SPATA16: variants seen among roughly 807,000 people sequenced by gnomAD.
The protein encoded by SPATA16 is spermatogenesis-associated protein 16.
A neutral mutation model predicts 63.3 loss-of-function variants in SPATA16; 36 were observed. The ratio of observed to expected loss-of-function variants is 0.57; its 90% CI spans 0.44 to 0.75. SPATA16 has a LOEUF of 0.75. SPATA16 is among the 30% of genes least tolerant of loss of function. The probability of loss-of-function intolerance (pLI) is 0.00; values close to 1 mark genes in which losing one functional copy is unlikely to be tolerated. For missense variants in SPATA16, 646 were observed against 679.3 expected, an observed-to-expected ratio of 0.95 and a Z score of 0.54; for synonymous variants, 203 against 216.7, an observed-to-expected ratio of 0.94 and a Z score of 0.56.
chr3:173,108,527 T>C (rs200081201), intron 2 of SPATA16, among the ~76,000 whole-genome samples: 49 of 152,194 alleles, frequency 3.2e-4, no homozygotes, highest in African/African-American at 1.1e-3. Flanking sequence ...AAAATACCAA[T>C]GTTCCAGGAA....
intron 2 of SPATA16, among the ~76,000 whole-genome samples, chr3:173,079,886 A>C (rs1577164039): frequency 6.6e-6 from 1 of 152,176 alleles, no homozygotes; most frequent in Admixed American, 6.5e-5. Context: ...TGGAATTATT[A>C]GTGAGGATAT....
At chr3:173,055,010 T>A (rs1736188900) in intron 2 of SPATA16, among the ~76,000 whole-genome samples, 2 of 152,204 alleles carry the variant, frequency 1.3e-5, no homozygotes, top group South Asian at 4.1e-4. Flanking sequence ...AACCATTTCA[T>A]ACATATGGCA....
At chr3:173,115,469 C>T (rs144361272) in intron 2 of SPATA16, among the ~76,000 whole-genome samples, 1 of 152,178 alleles carries the variant, frequency 6.6e-6, no homozygotes, top group African/African-American at 2.4e-5. Flanking sequence ...GGCTGCAGAG[C>T]TTTAGCTCAA....
chr3:173,008,982 G>A (rs984637565), intron 4 of SPATA16, among the ~76,000 whole-genome samples: 1 of 152,082 alleles, frequency 6.6e-6, no homozygotes. Context: ...TAAGTTTTTA[G>A]CAAACTTTAA....
intron 2 of SPATA16, among the ~76,000 whole-genome samples, chr3:173,102,346 C>T (rs980936070): frequency 6.6e-6 from 1 of 152,110 alleles, no homozygotes; most frequent in African/African-American, 2.4e-5. Context: ...AAGAAATACC[C>T]AAGGGTGGGT....
chr3:172,921,812 C>T (rs1427963338), intron 8 of SPATA16, among the ~76,000 whole-genome samples: 1 of 152,102 alleles, frequency 6.6e-6, no homozygotes, highest in Non-Finnish European at 1.5e-5. Context: ...CAGTTATCAG[C>T]CTATTTTATA....
At chr3:173,134,230 A>G (rs1738467729) in intron 1 of SPATA16, among the ~76,000 whole-genome samples, 1 of 152,174 alleles carries the variant, frequency 6.6e-6, no homozygotes, top group African/African-American at 2.4e-5. Context: ...GCTGTGTCTT[A>G]AGCATGTCCC....
At chr3:173,013,207 C>A (rs1381423041) in intron 4 of SPATA16, among the ~76,000 whole-genome samples, 2 of 152,064 alleles carry the variant, frequency 1.3e-5, no homozygotes, top group Middle Eastern at 6.8e-3. Flanking sequence ...AAATCAAAAC[C>A]ACAATGAGAT....
chr3:173,110,479 G>A (rs1446747522), intron 2 of SPATA16, among the ~76,000 whole-genome samples: 1 of 152,156 alleles, frequency 6.6e-6, no homozygotes, highest in African/African-American at 2.4e-5. Flanking sequence ...AACAATGTTG[G>A]TAAACACATA....
intron 2 of SPATA16, among the ~76,000 whole-genome samples, chr3:173,051,060 TAAAC>T (rs956967224): frequency 6.6e-6 from 1 of 152,186 alleles, no homozygotes; most frequent in Non-Finnish European, 1.5e-5. Flanking sequence ...CAGAAATACC[TAAAC>T]AGAGTTTTCC....
intron 2 of SPATA16, among the ~76,000 whole-genome samples, chr3:173,107,179 T>A (rs1224326405): frequency 6.6e-6 from 1 of 152,152 alleles, no homozygotes; most frequent in East Asian, 1.9e-4. Context: ...TACCCCAATG[T>A]CACTCTTACA....
chr3:173,019,237 G>A (rs1377125352), intron 4 of SPATA16, among the ~76,000 whole-genome samples: 1 of 152,100 alleles, frequency 6.6e-6, no homozygotes, highest in Admixed American at 6.5e-5. Context: ...CTTTATGCAA[G>A]TTTTTCCATC....
At chr3:173,005,296 C>T (rs1371570949) in intron 4 of SPATA16, among the ~76,000 whole-genome samples, 1 of 148,390 alleles carries the variant, frequency 6.7e-6, no homozygotes, top group African/African-American at 2.5e-5. Context: ...TGCACTCCAG[C>T]CTGGTGACAG....
intron 2 of SPATA16, among the ~76,000 whole-genome samples, chr3:173,076,025 T>C (rs1736793816): frequency 6.6e-6 from 1 of 152,310 alleles, no homozygotes; most frequent in South Asian, 2.1e-4. Context: ...AAATGTCACA[T>C]GTACCTTGTA....
At chr3:173,088,993 A>C (rs114507969) in intron 2 of SPATA16, among the ~76,000 whole-genome samples, 1 of 152,174 alleles carries the variant, frequency 6.6e-6, no homozygotes, top group Admixed American at 6.5e-5. Flanking sequence ...CCAAGGATGA[A>C]CGGACCACCC....
chr3:172,992,559 G>C (rs896092159), intron 4 of SPATA16, among the ~76,000 whole-genome samples: 2 of 151,994 alleles, frequency 1.3e-5, no homozygotes, highest in Admixed American at 6.6e-5. Flanking sequence ...TGAGGGCAAG[G>C]GGAAAGGGTT....
intron 6 of SPATA16, among the ~76,000 whole-genome samples, chr3:172,926,704 A>G (rs973675356): frequency 1.3e-5 from 2 of 152,228 alleles, no homozygotes; most frequent in Admixed American, 6.5e-5. Context: ...AGAGGTTACA[A>G]ACATACCCAA....
chr3:172,969,484 C>A (rs1733996688), intron 5 of SPATA16, among the ~76,000 whole-genome samples: 1 of 152,132 alleles, frequency 6.6e-6, no homozygotes, highest in Admixed American at 6.6e-5. Flanking sequence ...ATCAGAATCA[C>A]CTGGTTGAAG....
chr3:172,926,500 G>A (rs115126360), intron 6 of SPATA16, among the ~76,000 whole-genome samples: 2,890 of 152,300 alleles, frequency 0.019, 30 homozygotes, highest in Middle Eastern at 0.058. Flanking sequence ...ATAAGAGGTT[G>A]AGGGACACAG....
Sources: allele counts gnomAD v4.1 joint callset (sites outside exome capture counted in the v4.1 genomes callset), GRCh38; gene constraint gnomAD v4.1.1; transcripts MANE v1.5; gene names NCBI Gene and HGNC (gene_info 2026-07-23, HGNC 2026-07-21).